Variants in RABGAP1L observed in about 807,000 individuals in gnomAD.
RABGAP1L encodes the protein RAB GTPase activating protein 1 like.
A neutral mutation model predicts 137.7 loss-of-function variants in RABGAP1L; 63 were observed. That is an observed-to-expected ratio of 0.46 (90% CI 0.37 to 0.56). The LOEUF is 0.56. RABGAP1L is among the 20% of genes least tolerant of loss of function. The pLI is 0.00. For missense variants in RABGAP1L, 1,095 were observed against 1,244.0 expected, an observed-to-expected ratio of 0.88 and a Z score of 1.80; for synonymous variants, 431 against 433.7, an observed-to-expected ratio of 0.99 and a Z score of 0.08.
At chr1:174,683,058 G>GTTT (rs35576869) in intron 14 of RABGAP1L, among the ~76,000 whole-genome samples, 126 of 111,624 alleles carry the variant, frequency 1.1e-3, no homozygotes, top group African/African-American at 3.4e-3. Context: ...TTCTAAAGGG[G>GTTT]TTTTTTTTTT....
At chr1:174,919,752 A>G (rs1661493658) in intron 19 of RABGAP1L, among the ~76,000 whole-genome samples, 1 of 152,104 alleles carries the variant, frequency 6.6e-6, no homozygotes, top group African/African-American at 2.4e-5. Context: ...GCTACTTGGG[A>G]GGTTGAGGCA....
At chr1:174,829,218 A>G (rs1347017595) in intron 19 of RABGAP1L, among the ~76,000 whole-genome samples, 1 of 148,270 alleles carries the variant, frequency 6.7e-6, no homozygotes, top group East Asian at 2.1e-4. Flanking sequence ...CCCTGTTTAT[A>G]AAAGATGAAG....
chr1:174,761,593 C>T lies in RABGAP1L; in HGVS notation c.2211+9239C>T, dbSNP rs184969030. Among the ~76,000 whole-genome samples the T allele has an allele frequency of 4.7e-4, 71 of 152,008 alleles. No individual in the cohort carries two copies. The South Asian group carries it at 0.013, about 27-fold the overall frequency. On this transcript the variant is annotated intron_variant, in intron 18 of 25. Transcript: ENST00000681986. The surrounding 1 kb of genome is among the most constrained non-coding windows in gnomAD (Gnocchi z 4.0). ...GGCGCTCCTCATTTTTCAGACGGTG[C>T]GGCCGCCAGGCAGAGGCACTCCTCA...
chr1:174,624,519 A>G (rs1672795740), intron 13 of RABGAP1L, among the ~76,000 whole-genome samples: 3 of 152,322 alleles, frequency 2.0e-5, no homozygotes, highest in Admixed American at 2.0e-4. Context: ...TTGAATGGGA[A>G]GTTTTCATAT....
intron 13 of RABGAP1L, among the ~76,000 whole-genome samples, chr1:174,427,336 C>T (rs897727953): frequency 4.6e-5 from 7 of 152,084 alleles, no homozygotes; most frequent in Admixed American, 1.3e-4. Flanking sequence ...ATTTTGACTC[C>T]TTCTCAATAG....
intron 13 of RABGAP1L, among the ~76,000 whole-genome samples, chr1:174,502,512 A>G (rs1238028327): frequency 6.6e-6 from 1 of 150,452 alleles, no homozygotes; most frequent in Non-Finnish European, 1.5e-5. Context: ...AACACAAAAC[A>G]GAAAAAAAGG....
chr1:174,768,688 G>C (rs898857195), intron 18 of RABGAP1L, among the ~76,000 whole-genome samples: 7 of 152,214 alleles, frequency 4.6e-5, no homozygotes, highest in Admixed American at 4.6e-4. Context: ...GGGTCAGACA[G>C]TATACTTGAA....
At chr1:174,781,682 T>G (rs188383518) in intron 18 of RABGAP1L, among the ~76,000 whole-genome samples, 42 of 152,288 alleles carry the variant, frequency 2.8e-4, no homozygotes, top group African/African-American at 7.5e-4. Flanking sequence ...TTTTCTTCTA[T>G]GGTTTTTATG....
At chr1:174,498,664 A>ATTTTTTT in intron 13 of RABGAP1L, among the ~76,000 whole-genome samples, 1 of 133,478 alleles carries the variant, frequency 7.5e-6, no homozygotes, top group Non-Finnish European at 1.6e-5. Context: ...GCCCGGCTAA[A>ATTTTTTT]TTTTTTTTTT....
chr1:174,731,850 C>G (rs1489521347), intron 17 of RABGAP1L, among the ~76,000 whole-genome samples: 1 of 152,208 alleles, frequency 6.6e-6, no homozygotes, highest in Admixed American at 6.5e-5. Context: ...CTTATTCAAT[C>G]TGTTCTTATT....
At position 174,687,628 on chromosome 1, in the gene RABGAP1L, A is replaced by G. The variant is rs1255979470; in HGVS notation, c.1899+4032A>G. ...AGAAGAATACGGACTGGTTTAAACA[A>G]TTCATCAAACACACTATCTCAGGTT... On this transcript the variant is annotated intron_variant, in intron 15 of 25. Coordinates refer to ENST00000681986, the MANE Select transcript of RABGAP1L (RefSeq NM_001366446.1). Among the ~76,000 whole-genome samples the G allele has an allele frequency of 2.6e-5, 4 of 152,354 alleles. No homozygotes were observed. In the East Asian group the frequency reaches 5.8e-4, roughly 22 times the overall value.
intron 13 of RABGAP1L, among the ~76,000 whole-genome samples, chr1:174,573,354 C>T (rs1019914729): frequency 2.6e-5 from 4 of 151,272 alleles, no homozygotes; most frequent in African/African-American, 9.7e-5. Flanking sequence ...ATGTTATTTT[C>T]CAGTGTCAAG....
chr1:174,486,022 G>A lies in RABGAP1L; in HGVS notation c.1710+91877G>A, dbSNP rs116577794. 3.8e-3 allele frequency among the ~76,000 whole-genome samples: 580 copies of A among 152,144 alleles called. 4 individuals carry two copies. The highest frequency in any genetic ancestry group is 0.012 in the African/African-American group (500 of 41,516). On this transcript the variant is annotated intron_variant, in intron 13 of 25. Transcript: ENST00000681986. ...GCTTTGGTATTGTTGTTTGTTATTG[G>A]TCTGTTCAGGTTTTTGGTTTCTTCC...
chr1:174,602,486 C>T (rs981698077), intron 13 of RABGAP1L, among the ~76,000 whole-genome samples: 2 of 152,168 alleles, frequency 1.3e-5, no homozygotes, highest in Non-Finnish European at 2.9e-5. Flanking sequence ...ACCTGGGTTC[C>T]TCCCACAACA....
At chr1:174,882,982 CTGGCTAATTTT>C (rs982872490) in intron 19 of RABGAP1L, among the ~76,000 whole-genome samples, 23 of 152,174 alleles carry the variant, frequency 1.5e-4, no homozygotes, top group African/African-American at 5.3e-4. Context: ...ACCACCATGC[CTGGCTAATTTT>C]TGTATCTTTA....
chr1:174,493,615 T>G (rs1438026735), intron 13 of RABGAP1L, among the ~76,000 whole-genome samples: 2 of 149,380 alleles, frequency 1.3e-5, no homozygotes, highest in Admixed American at 1.3e-4. Flanking sequence ...AGTCCAGGAG[T>G]TCAAGACCAG....
At chr1:174,229,488 A>T (rs1670456389) in intron 3 of RABGAP1L, among the ~76,000 whole-genome samples, 1 of 152,136 alleles carries the variant, frequency 6.6e-6, no homozygotes, top group Non-Finnish European at 1.5e-5. Flanking sequence ...CCACAGGAAC[A>T]GTTGTGACCT....
chr1:174,705,364 A>G (rs1362902880), intron 17 of RABGAP1L: 2 of 152,224 alleles, frequency 1.3e-5, no homozygotes, highest in African/African-American at 4.8e-5. Context: ...TAAGAAAACT[A>G]GCAACATTTG....
At chr1:174,829,264 T>G (rs994521799) in intron 19 of RABGAP1L, among the ~76,000 whole-genome samples, 3 of 148,472 alleles carry the variant, frequency 2.0e-5, no homozygotes, top group Admixed American at 6.7e-5. Context: ...AAAATACTTC[T>G]GGTAATAAAC....
Sources: allele counts gnomAD v4.1 joint callset (sites outside exome capture counted in the v4.1 genomes callset), GRCh38; gene constraint gnomAD v4.1.1; non-coding constraint Gnocchi (gnomAD v3.1); transcripts MANE v1.5; gene names NCBI Gene and HGNC (gene_info 2026-07-23, HGNC 2026-07-21).